Variants in SDK1 observed in about 807,000 individuals in gnomAD.
SDK1 encodes protein sidekick-1.
A neutral mutation model predicts 245.5 loss-of-function variants in SDK1; 157 were observed. The ratio of observed to expected loss-of-function variants is 0.64; its 90% CI spans 0.56 to 0.73. The LOEUF is 0.73. Among genes scored for constraint, SDK1 ranks in the 30% least tolerant of loss-of-function variants. The pLI, the probability that SDK1 is intolerant of heterozygous loss-of-function variation, is 0.00. For synonymous variants in SDK1, 1,647 were observed against 1,278.5 expected (o/e 1.29, Z -6.15); for missense variants, 3,583 against 3,002.3 (o/e 1.19, Z -4.52).
chr7:3,782,895 C>T lies in SDK1; in HGVS notation c.714-38555C>T, dbSNP rs193103135. ...TTACAAAGCCAACATTACCTTGGTA[C>T]CAAAGCCAAACAAGAACATTATAAG... On this transcript the variant is annotated intron_variant, in intron 4 of 44. Coordinates refer to ENST00000404826, the MANE Select transcript of SDK1 (RefSeq NM_152744.4). Among the ~76,000 whole-genome samples, 410 of 152,220 alleles carry T rather than the reference C, an allele frequency of 2.7e-3. 2 individuals are homozygous for T. Among genetic ancestry groups the T allele is most frequent in the Non-Finnish European group, 4.5e-3 (309 of 68,004 alleles).
intron 1 of SDK1, among the ~76,000 whole-genome samples, chr7:3,552,529 T>A (rs751339036): frequency 6.6e-6 from 1 of 152,234 alleles, no homozygotes; most frequent in African/African-American, 2.4e-5. Context: ...TATATTCATT[T>A]ATGATCCATA....
chr7:4,181,549 C>T (rs1316825326), intron 35 of SDK1, among the ~76,000 whole-genome samples: 1 of 152,002 alleles, frequency 6.6e-6, no homozygotes, highest in Non-Finnish European at 1.5e-5. Context: ...GCCCCCATCT[C>T]CCTCCCCTCC....
At chr7:4,074,384 G>A (rs936486330) in intron 20 of SDK1, among the ~76,000 whole-genome samples, 2 of 152,156 alleles carry the variant, frequency 1.3e-5, no homozygotes, top group African/African-American at 4.8e-5. Context: ...TCCACTGAGG[G>A]CTGTCTTGGG....
At chr7:3,731,044 T>A (rs1779161186) in intron 4 of SDK1, among the ~76,000 whole-genome samples, 1 of 152,176 alleles carries the variant, frequency 6.6e-6, no homozygotes. Context: ...ACAAAACCCC[T>A]CTCAAATTTA....
rs1197240031 is a variant in SDK1, at chr7:3,951,726, A to G, written c.960-4A>G. ...GTCGTCATGAATGCCTTTCATTCCC[A>G]CAGGCCTGTGGAGGACCTGAGTGTG... On this transcript the variant is annotated splice_region_variant and splice_polypyrimidine_tract_variant and intron_variant, in intron 6 of 44. Transcript: ENST00000404826. The G allele has an allele frequency of 1.2e-6, 2 of 1,612,290 alleles. No individual in the cohort carries two copies. Among genetic ancestry groups the G allele is most frequent in the Non-Finnish European group, 1.7e-6 (2 of 1,179,776 alleles).
intron 17 of SDK1, among the ~76,000 whole-genome samples, chr7:4,033,881 C>T (rs1486305189): frequency 6.6e-6 from 1 of 152,102 alleles, no homozygotes; most frequent in Non-Finnish European, 1.5e-5. Context: ...CCAAACACAT[C>T]AGTGGGTGCT....
intron 1 of SDK1, among the ~76,000 whole-genome samples, chr7:3,417,151 G>A (rs2128579460): frequency 6.6e-6 from 1 of 152,240 alleles, no homozygotes; most frequent in Non-Finnish European, 1.5e-5. Context: ...TCAAGCCTGG[G>A]CAACAAGAGC....
intron 1 of SDK1, among the ~76,000 whole-genome samples, chr7:3,390,057 A>T (rs1562457688): frequency 6.6e-6 from 1 of 152,188 alleles, no homozygotes; most frequent in Non-Finnish European, 1.5e-5. Flanking sequence ...TTAGAGCTCT[A>T]CGGAAAGCAG....
intron 27 of SDK1, 76 bp from the exon 28 acceptor site, chr7:4,132,249 C>T (rs1003808499): frequency 4.5e-5 from 53 of 1,190,362 alleles, no homozygotes; most frequent in Non-Finnish European, 6.1e-5. Context: ...AGCTGACCCT[C>T]GGAATCCTGT....
intron 2 of SDK1, among the ~76,000 whole-genome samples, chr7:3,637,083 G>A (rs1008971783): frequency 6.7e-6 from 1 of 149,180 alleles, no homozygotes; most frequent in African/African-American, 2.5e-5. Flanking sequence ...GAGTGCGTGC[G>A]CGCGTGTGTG....
intron 22 of SDK1, among the ~76,000 whole-genome samples, chr7:4,094,910 A>G (rs1782050488): frequency 6.6e-6 from 1 of 152,230 alleles, no homozygotes; most frequent in Admixed American, 6.5e-5. Context: ...GGACATCTTA[A>G]AGCAGGAACC....
intron 13 of SDK1, 68 bp downstream of exon 13, chr7:3,974,613 C>A: frequency 2.0e-6 from 3 of 1,480,096 alleles, no homozygotes; most frequent in Non-Finnish European, 1.9e-6. Context: ...CTGTTAGTGA[C>A]TGCCACTTCA....
chr7:3,593,395 C>T (rs1780950258), intron 1 of SDK1, among the ~76,000 whole-genome samples: 1 of 152,182 alleles, frequency 6.6e-6, no homozygotes, highest in Non-Finnish European at 1.5e-5. Context: ...CTTCACCATG[C>T]ATCAGCTGCC....
At chr7:3,837,803 A>T (rs920153185) in intron 5 of SDK1, among the ~76,000 whole-genome samples, 9 of 152,252 alleles carry the variant, frequency 5.9e-5, no homozygotes, top group African/African-American at 2.2e-4. Context: ...TGGTAACCTC[A>T]TGTGGCTGGA....
intron 32 of SDK1, among the ~76,000 whole-genome samples, chr7:4,169,464 C>G (rs1409763413): frequency 6.6e-6 from 1 of 152,190 alleles, no homozygotes; most frequent in Non-Finnish European, 1.5e-5. Context: ...GCCCTTCTCC[C>G]CTCATCAAAA....
intron 28 of SDK1, among the ~76,000 whole-genome samples, chr7:4,142,304 G>C (rs1779630322): frequency 2.6e-5 from 4 of 151,946 alleles, no homozygotes. Flanking sequence ...TGGTGGTTTT[G>C]GTTTTGCGTT....
chr7:3,995,799 A>G (rs1436453658), intron 14 of SDK1, among the ~76,000 whole-genome samples: 1 of 144,936 alleles, frequency 6.9e-6, no homozygotes, highest in South Asian at 2.2e-4. Flanking sequence ...TGCCCCATTT[A>G]TCTATCCAAG....
intron 5 of SDK1, among the ~76,000 whole-genome samples, chr7:3,929,470 T>C (rs1472585138): frequency 6.6e-6 from 1 of 152,244 alleles, no homozygotes; most frequent in African/African-American, 2.4e-5. Flanking sequence ...TATTTATTCC[T>C]TAACTTATAA....
chr7:3,848,648 C>T (rs1780340577), intron 5 of SDK1, among the ~76,000 whole-genome samples: 1 of 151,942 alleles, frequency 6.6e-6, no homozygotes, highest in African/African-American at 2.4e-5. Flanking sequence ...AGGCCACGTT[C>T]TGCAATGACT....
Sources: allele counts gnomAD v4.1 joint callset (sites outside exome capture counted in the v4.1 genomes callset), GRCh38; gene constraint gnomAD v4.1.1; transcripts MANE v1.5; gene names NCBI Gene and HGNC (gene_info 2026-07-23, HGNC 2026-07-21).